PDK1: variants seen among roughly 807,000 people sequenced by gnomAD.
The protein encoded by PDK1 is pyruvate dehydrogenase kinase 1, also known as [Pyruvate dehydrogenase (acetyl-transferring)] kinase isozyme 1, mitochondrial.
In PDK1, 39 loss-of-function variants were observed where a neutral mutation model predicts 54.2. The observed-to-expected ratio is 0.72, with a 90% CI of 0.56 to 0.94. The LOEUF (loss-of-function observed/expected upper bound fraction) is 0.94. PDK1 is among the 40% of genes least tolerant of loss of function. PDK1 has a pLI of 0.00. For missense variants in PDK1, 552 were observed against 566.0 expected, an observed-to-expected ratio of 0.98 and a Z score of 0.25; for synonymous variants, 221 against 207.1, an observed-to-expected ratio of 1.07 and a Z score of -0.58.
chr2:172,675,110 G>A, the PDK1 span, among the ~76,000 whole-genome samples: 1 of 152,212 alleles, frequency 6.6e-6, no homozygotes, highest in Non-Finnish European at 1.5e-5. Flanking sequence ...ATTGATAAAT[G>A]TGTGTGCTCA....
At chr2:172,645,060 G>A in the PDK1 span, among the ~76,000 whole-genome samples, 13 of 152,032 alleles carry the variant, frequency 8.6e-5, no homozygotes, top group Admixed American at 3.9e-4. Flanking sequence ...AGACTCAATG[G>A]TTAAATTTTC....
Position 172,556,339 on chromosome 2 carries a change from G to C in PDK1, c.189G>C (p.Leu63=). The change falls in exon 1 of 11, where the codon CTG becomes CTC. Residue 63 remains leucine, a synonymous_variant. Transcript: ENST00000282077. The part of the protein sequence containing the change: ...SPSPLSMKQF[L]DFGSVNACEK... ...CCCCGCTCTCCATGAAGCAGTTCCTGGACTTCGGTGAGTGCGGCCCGGGAC... is the reference window on the plus strand; with the variant it reads ...CCCCGCTCTCCATGAAGCAGTTCCTCGACTTCGGTGAGTGCGGCCCGGGAC... 1 of 1,453,250 alleles carries C rather than the reference G, an allele frequency of 6.9e-7. No homozygotes were observed. The highest frequency in any genetic ancestry group is 9.1e-7 in the Non-Finnish European group (1 of 1,104,840). 90.0% of individuals were successfully genotyped at this position (1,453,250 alleles called of 1,614,324 possible).
chr2:172,714,981 T>A, the PDK1 span, among the ~76,000 whole-genome samples: 1 of 152,206 alleles, frequency 6.6e-6, no homozygotes, highest in African/African-American at 2.4e-5. Flanking sequence ...CTAATTATCT[T>A]TATGGAATAG....
the PDK1 span, among the ~76,000 whole-genome samples, chr2:172,676,218 C>T: frequency 6.6e-6 from 1 of 152,168 alleles, no homozygotes; most frequent in African/African-American, 2.4e-5. Flanking sequence ...ATCCATTCTG[C>T]AGTCCATGGA....
the PDK1 span, among the ~76,000 whole-genome samples, chr2:172,647,514 C>A: frequency 1.3e-5 from 2 of 152,054 alleles, no homozygotes; most frequent in Admixed American, 1.3e-4. Flanking sequence ...CTAAAATAAA[C>A]AATGATAGCA....
the PDK1 span, chr2:172,674,794 G>A: frequency 3.3e-5 from 5 of 152,236 alleles, no homozygotes; most frequent in African/African-American, 4.8e-5. Context: ...GAGGGGCGAA[G>A]CCCTCGGGCT....
the PDK1 span, among the ~76,000 whole-genome samples, chr2:172,683,675 G>C: frequency 6.6e-6 from 1 of 152,206 alleles, no homozygotes; most frequent in Admixed American, 6.5e-5. Flanking sequence ...TTAAAATCAT[G>C]GAATTAGATT....
the PDK1 span, chr2:172,679,138 A>C: frequency 6.6e-6 from 1 of 152,170 alleles, no homozygotes; most frequent in Non-Finnish European, 1.5e-5. Context: ...AACTTCCCTA[A>C]ATTTTTATTC....
In PDK1 at chr2:172,592,979, A is replaced by G. The variant is rs146216459; in HGVS notation, c.1101A>G (p.Gln367=). The G allele has an allele frequency of 2.1e-5, 34 of 1,612,752 alleles. No homozygotes were observed. The highest frequency in any genetic ancestry group is 1.6e-4 in the Middle Eastern group (1 of 6,080). Reference sequence around the variant, plus strand: ...TGCCCATATCACGTCTTTACGCACAATACTTCCAAGGAGACCTGAAGCTGT... The same window carrying G: ...TGCCCATATCACGTCTTTACGCACAGTACTTCCAAGGAGACCTGAAGCTGT... The part of the protein sequence containing the change: ...YGLPISRLYA[Q]YFQGDLKLYS... The change falls in exon 10 of 11, where the codon CAA becomes CAG. Residue 367 remains glutamine (Q), a synonymous_variant. Transcript: ENST00000282077.
chr2:172,565,483 T>C (rs1181822754), intron 5 of PDK1, among the ~76,000 whole-genome samples: 6 of 152,142 alleles, frequency 3.9e-5, no homozygotes, highest in Non-Finnish European at 8.8e-5. Context: ...TTTGTATCTT[T>C]AGTGCAGGCA....
chr2:172,597,082 A>G lies in PDK1; in HGVS notation c.*1113A>G, dbSNP rs535269420. The G allele has an allele frequency of 2.0e-5, 3 of 152,224 alleles. No individual in the cohort carries two copies. The highest frequency in any genetic ancestry group is 6.5e-5 in the Admixed American group (1 of 15,276). 9.4% of individuals were successfully genotyped at this position (152,224 alleles called of 1,614,324 possible). A position where few individuals can be genotyped will look rare whatever the true frequency, so the allele number is the denominator to read the frequency against. ...GCCACGTAACCAAAGCATCAGAGCC[A>G]TCATTGCACGTGTCTTTTTTTCTTT... On this transcript the variant is annotated 3_prime_UTR_variant, in exon 11 of 11. Transcript: ENST00000282077.
the PDK1 span, among the ~76,000 whole-genome samples, chr2:172,645,873 TA>T: frequency 1.3e-4 from 20 of 152,338 alleles, no homozygotes; most frequent in Admixed American, 1.3e-3. Context: ...CATGCAGTAA[TA>T]AAATAATGTA....
chr2:172,621,811 CAT>C, the PDK1 span, among the ~76,000 whole-genome samples: 338 of 132,874 alleles, frequency 2.5e-3, 1 homozygote, highest in Non-Finnish European at 3.3e-3. Flanking sequence ...GTTTATATCT[CAT>C]ATGTATGATA....
At chr2:172,621,645 C>CATATATGTTTATCATATATATG in the PDK1 span, among the ~76,000 whole-genome samples, 5 of 144,402 alleles carry the variant, frequency 3.5e-5, no homozygotes, top group Non-Finnish European at 6.0e-5. Flanking sequence ...GTTTATATAT[C>CATATATGTTTATCATATATATG]ATATATGTTT....
the PDK1 span, among the ~76,000 whole-genome samples, chr2:172,684,890 C>T: frequency 6.6e-6 from 1 of 152,236 alleles, no homozygotes; most frequent in Non-Finnish European, 1.5e-5. Flanking sequence ...TTGTAATTCC[C>T]ACATGTTGAG....
Position 172,586,270 on chromosome 2 carries a change from T to C in PDK1, c.946-8T>C. 6.3e-7 allele frequency: 1 copy of C among 1,579,468 alleles called. No individual in the cohort carries two copies. The highest frequency in any genetic ancestry group is 1.7e-4 in the Middle Eastern group (1 of 6,004). ...TGGGCATAGAGCACGATCCTTTTCT[T>C]ACCTTAGATGAGTGACCGAGGAGGT... On this transcript the variant is annotated splice_region_variant and splice_polypyrimidine_tract_variant and intron_variant, in intron 8 of 10. Coordinates refer to ENST00000282077, the MANE Select transcript of PDK1 (RefSeq NM_002610.5).
At chr2:172,621,579 GAT>G in the PDK1 span, among the ~76,000 whole-genome samples, 4 of 146,292 alleles carry the variant, frequency 2.7e-5, no homozygotes, top group South Asian at 2.1e-4. Context: ...TATTATATAT[GAT>G]ATATGTTTAT....
the PDK1 span, among the ~76,000 whole-genome samples, chr2:172,718,167 C>T: frequency 1.3e-5 from 2 of 152,040 alleles, no homozygotes; most frequent in African/African-American, 2.4e-5. Flanking sequence ...ATAAAAATTC[C>T]ATTTGAAATG....
the PDK1 span, among the ~76,000 whole-genome samples, chr2:172,689,190 T>C: frequency 3.3e-5 from 5 of 152,204 alleles, no homozygotes; most frequent in African/African-American, 4.8e-5. Context: ...TACAGTGTGC[T>C]GATTGGTCCA....
Sources: allele counts gnomAD v4.1 joint callset (sites outside exome capture counted in the v4.1 genomes callset), GRCh38; gene constraint gnomAD v4.1.1; transcripts MANE v1.5; gene names NCBI Gene and HGNC (gene_info 2026-07-23, HGNC 2026-07-21).